Variants in PCDHA1 observed in about 807,000 individuals in gnomAD.
PCDHA1 encodes the protein protocadherin alpha-1.
A neutral mutation model predicts 61.3 loss-of-function variants in PCDHA1; 42 were observed. That is an observed-to-expected ratio of 0.69 (90% CI 0.54 to 0.89). The LOEUF is 0.89. Ranked by LOEUF, PCDHA1 falls within the 40% of genes least tolerant of loss-of-function variation. The pLI, the probability that PCDHA1 is intolerant of heterozygous loss-of-function variation, is 0.00. For missense variants in PCDHA1, 1,256 were observed against 1,235.3 expected, an observed-to-expected ratio of 1.02 and a Z score of -0.25; for synonymous variants, 610 against 553.8, an observed-to-expected ratio of 1.10 and a Z score of -1.43.
chr5:140,854,536 A>G (rs930055548), intron 1 of PCDHA1: 6 of 150,026 alleles, frequency 4.0e-5, no homozygotes, highest in African/African-American at 1.5e-4. Context: ...CATTTCTGTC[A>G]GTTTTCTTAT....
At chr5:140,882,531 C>A (rs781969592) in intron 1 of PCDHA1, 2 of 1,614,218 alleles carry the variant, frequency 1.2e-6, no homozygotes, top group Non-Finnish European at 1.7e-6. Context: ...TTTGTGAATT[C>A]TCGGATCGAC....
rs1489581574 is a variant in PCDHA1 at position 140,801,313 on chromosome 5, C to A, written c.2394+12629C>A. On this transcript the variant is annotated intron_variant, in intron 1 of 3. Coordinates refer to ENST00000504120, the MANE Select transcript of PCDHA1 (RefSeq NM_018900.4). ...CTCCACTACTCCGTCTCTGAGGAGG[C>A]CAAGCATGGCACCTTCGTGGGCCGC... 5.0e-6 allele frequency: 8 copies of A among 1,613,184 alleles called. No individual in the cohort carries two copies. The Admixed American group carries it at 1.0e-4, about 20-fold the overall frequency.
At chr5:141,003,870 C>A (rs1345140541) in intron 3 of PCDHA1, among the ~76,000 whole-genome samples, 8 of 152,148 alleles carry the variant, frequency 5.3e-5, no homozygotes, top group Admixed American at 3.9e-4. Flanking sequence ...GTCTGAAATC[C>A]TCCTTCTAGC....
chr5:140,922,735 G>C (rs1370700616), intron 1 of PCDHA1, among the ~76,000 whole-genome samples: 1 of 152,078 alleles, frequency 6.6e-6, no homozygotes, highest in Non-Finnish European at 1.5e-5. Context: ...ACAAGGTTGA[G>C]AAAAATAAAT....
chr5:140,900,817 A>G (rs2068314504), intron 1 of PCDHA1, among the ~76,000 whole-genome samples: 1 of 152,154 alleles, frequency 6.6e-6, no homozygotes, highest in Non-Finnish European at 1.5e-5. Context: ...ACTAATTTAC[A>G]TTCCCACCAA....
intron 1 of PCDHA1, among the ~76,000 whole-genome samples, chr5:140,970,367 TA>T (rs1554232416): frequency 6.6e-6 from 1 of 152,216 alleles, no homozygotes; most frequent in Non-Finnish European, 1.5e-5. Flanking sequence ...TGATTTGCTA[TA>T]GCTTCAAAAG....
chr5:140,884,012 C>T, intron 1 of PCDHA1: 1 of 1,613,134 alleles, frequency 6.2e-7, no homozygotes, highest in Non-Finnish European at 8.5e-7. Context: ...CGAGCTGATG[C>T]CGCGGTCGGT....
At chr5:140,877,269 T>A in intron 1 of PCDHA1, 1 of 1,613,758 alleles carries the variant, frequency 6.2e-7, no homozygotes. Flanking sequence ...CGGTGGACGC[T>A]GACTCCGGCT....
rs2150202220 is a variant in PCDHA1, at chr5:140,844,684, A to G, written c.2394+56000A>G. 1.3e-5 allele frequency among the ~76,000 whole-genome samples: 2 copies of G among 149,834 alleles called. 1 individual carries two copies. Among genetic ancestry groups the G allele is most frequent in the East Asian group, 3.9e-4 (2 of 5,172 alleles). On this transcript the variant is annotated intron_variant, in intron 1 of 3. Coordinates refer to ENST00000504120, the MANE Select transcript of PCDHA1 (RefSeq NM_018900.4). ...AACATATAATTTATAAATCCTTATT[A>G]TACAGAATATTTGGGATTATCATGG...
At chr5:140,823,586 C>T (rs2150127192) in intron 1 of PCDHA1, 2 of 1,614,018 alleles carry the variant, frequency 1.2e-6, no homozygotes, top group Non-Finnish European at 8.5e-7. Context: ...GGCTACAACG[C>T]TTGGCTTTCG....
chr5:140,871,015 G>T (rs1554164977), intron 1 of PCDHA1: 4 of 1,613,124 alleles, frequency 2.5e-6, no homozygotes, highest in East Asian at 4.5e-5. Flanking sequence ...TGCCCTGGAC[G>T]AGGCAGACTC....
Position 140,796,029 on chromosome 5 carries a change from C to T in PCDHA1, c.2394+7345C>T, listed in dbSNP as rs1762025389. On this transcript the variant is annotated intron_variant, in intron 1 of 3. Transcript: ENST00000504120. The stretch of plus-strand genomic sequence containing the variant: ...CACCAGAAGTCTCAATAACGTCTCT[C>T]TCACTTCCCATCTCAGAGAACGCTT... 3 of 1,614,092 alleles carry T rather than the reference C, an allele frequency of 1.9e-6. No homozygotes were observed. In the African/African-American group the frequency reaches 4.0e-5, roughly 22 times the overall value.
intron 1 of PCDHA1, chr5:140,859,027 C>T (rs1486669007): frequency 6.6e-6 from 1 of 150,752 alleles, no homozygotes; most frequent in Non-Finnish European, 1.5e-5. Context: ...AAGTTAAATG[C>T]TTTGAACTTT....
At chr5:140,856,939 G>T (rs1554149308) in intron 1 of PCDHA1, 2 of 1,593,866 alleles carry the variant, frequency 1.3e-6, no homozygotes, top group Non-Finnish European at 1.7e-6. Flanking sequence ...TAAACGAAAG[G>T]ACGGGAGAAA....
At chr5:140,909,439 G>C (rs1348703640) in intron 1 of PCDHA1, among the ~76,000 whole-genome samples, 1 of 152,210 alleles carries the variant, frequency 6.6e-6, no homozygotes, top group Admixed American at 6.5e-5. Context: ...ATAATCCACT[G>C]TCATTCTCCA....
intron 1 of PCDHA1, among the ~76,000 whole-genome samples, chr5:140,934,664 T>G (rs1268113575): frequency 1.3e-5 from 2 of 152,176 alleles, no homozygotes; most frequent in Admixed American, 6.5e-5. Flanking sequence ...TCTTCCCCTT[T>G]GTTTAGCAGT....
intron 3 of PCDHA1, among the ~76,000 whole-genome samples, chr5:140,998,827 G>T (rs2097835809): frequency 6.6e-6 from 1 of 152,226 alleles, no homozygotes; most frequent in South Asian, 2.1e-4. Context: ...GCCTCCCAAA[G>T]TGCTGGATTA....
At chr5:140,928,356 C>A in intron 1 of PCDHA1, 1 of 1,614,176 alleles carries the variant, frequency 6.2e-7, no homozygotes, top group South Asian at 1.1e-5. Context: ...TGGATGTTAT[C>A]TCTGAAGGGC....
intron 1 of PCDHA1, chr5:140,967,201 A>T: frequency 6.2e-7 from 1 of 1,613,620 alleles, no homozygotes; most frequent in Non-Finnish European, 8.5e-7. Flanking sequence ...ACGACAACTC[A>T]CCGCGTTTCC....
Sources: gnomAD v4.1 joint callset for allele counts (sites outside exome capture counted in the v4.1 genomes callset) on GRCh38, gnomAD v4.1.1 for gene constraint, MANE v1.5 for transcripts, NCBI Gene and HGNC (gene_info 2026-07-23, HGNC 2026-07-21) for gene names.